The following NRXN3 variants were observed in gnomAD, a reference collection of about 807,000 sequenced individuals.
The protein encoded by NRXN3 is neurexin III.
NRXN3 carries 32 observed loss-of-function variants against 137.6 expected under a neutral mutation model. The ratio of observed to expected loss-of-function variants is 0.23; its 90% CI spans 0.18 to 0.31. The LOEUF is 0.31. NRXN3 is among the 10% of genes least tolerant of loss of function. The pLI is 1.00. For synonymous variants in NRXN3, 798 were observed against 784.5 expected (o/e 1.02, Z -0.29); for missense variants, 1,574 against 2,062.5 (o/e 0.76, Z 4.59).
intron 4 of NRXN3, among the ~76,000 whole-genome samples, chr14:78,569,668 A>T (rs2096871399): frequency 6.6e-6 from 1 of 152,056 alleles, no homozygotes; most frequent in Admixed American, 6.6e-5. Flanking sequence ...GGTTCAAGCA[A>T]TTCTGCTTCA....
At chr14:78,351,545 T>G (rs1319177510) in intron 4 of NRXN3, among the ~76,000 whole-genome samples, 2 of 152,186 alleles carry the variant, frequency 1.3e-5, no homozygotes, top group Non-Finnish European at 2.9e-5. Context: ...TCTTTGCATT[T>G]CTTTGATTAC....
chr14:79,224,039 A>C (rs909950939), intron 15 of NRXN3, among the ~76,000 whole-genome samples: 2 of 152,186 alleles, frequency 1.3e-5, no homozygotes, highest in African/African-American at 4.8e-5. Context: ...TTCATCAGCA[A>C]TAGGGCAACT....
At chr14:78,373,018 C>T (rs7149532) in intron 4 of NRXN3, among the ~76,000 whole-genome samples, 149,181 of 152,338 alleles carry the variant, frequency 0.98, 73,093 homozygotes, top group Non-Finnish European at 1. Flanking sequence ...TGTCAAATAT[C>T]CATGGCATCA....
intron 10 of NRXN3, among the ~76,000 whole-genome samples, chr14:78,953,351 GT>G: frequency 6.6e-6 from 1 of 152,250 alleles, no homozygotes; most frequent in South Asian, 2.1e-4. Context: ...GTTCCATAGG[GT>G]TACTGTAGGA....
intron 8 of NRXN3, among the ~76,000 whole-genome samples, chr14:78,767,572 A>G (rs1050849500): frequency 9.2e-5 from 14 of 152,140 alleles, no homozygotes; most frequent in African/African-American, 3.4e-4. Flanking sequence ...GTGGGTTACT[A>G]ATTGTTACAG....
chr14:78,511,468 G>A (rs2096107426), intron 4 of NRXN3, among the ~76,000 whole-genome samples: 1 of 152,128 alleles, frequency 6.6e-6, no homozygotes, highest in South Asian at 2.1e-4. Flanking sequence ...AGCCCAGGTG[G>A]GAGTAAGGCT....
chr14:79,502,614 C>T (rs1248413269), intron 16 of NRXN3, among the ~76,000 whole-genome samples: 4 of 151,456 alleles, frequency 2.6e-5, no homozygotes, highest in Non-Finnish European at 5.9e-5. Flanking sequence ...ATGTTCTGTG[C>T]AGTTGGCCTG....
chr14:79,243,444 A>G (rs142886764), intron 15 of NRXN3, among the ~76,000 whole-genome samples: 259 of 152,250 alleles, frequency 1.7e-3, no homozygotes, highest in African/African-American at 5.9e-3. Flanking sequence ...AGCATTTACT[A>G]TGTGTTGAAC....
At chr14:78,659,354 A>C (rs1373900561) in intron 6 of NRXN3, among the ~76,000 whole-genome samples, 1 of 151,944 alleles carries the variant, frequency 6.6e-6, no homozygotes, top group Admixed American at 6.6e-5. Flanking sequence ...TAAATTATAG[A>C]GCTTTTTTAT....
At chr14:78,972,553 C>T (rs2099446285) in intron 14 of NRXN3, among the ~76,000 whole-genome samples, 1 of 152,278 alleles carries the variant, frequency 6.6e-6, no homozygotes, top group East Asian at 1.9e-4. Context: ...ACCGTGCACT[C>T]CCTGAGGTTG....
intron 15 of NRXN3, among the ~76,000 whole-genome samples, chr14:79,369,429 C>A (rs781556139): frequency 6.6e-6 from 1 of 152,078 alleles, no homozygotes; most frequent in Non-Finnish European, 1.5e-5. Context: ...TGGTGTATAA[C>A]AAATCTTTTA....
chr14:78,605,715 T>TA (rs11422829), intron 4 of NRXN3, among the ~76,000 whole-genome samples: 37,224 of 151,840 alleles, frequency 0.25, 4,950 homozygotes, highest in Middle Eastern at 0.36. Flanking sequence ...GGGATTTCTT[T>TA]AAAAAAAATA....
chr14:79,769,935 C>CA (rs2099071111), intron 19 of NRXN3, among the ~76,000 whole-genome samples: 1 of 151,918 alleles, frequency 6.6e-6, no homozygotes, highest in Non-Finnish European at 1.5e-5. Flanking sequence ...GAAGATCTAC[C>CA]AAGCAAATGG....
chr14:79,407,358 A>C (rs777770969), intron 15 of NRXN3, among the ~76,000 whole-genome samples: 6 of 152,164 alleles, frequency 3.9e-5, no homozygotes, highest in Non-Finnish European at 5.9e-5. Context: ...CTTATAAAAA[A>C]AGGGATTCCT....
At chr14:79,690,490 C>A (rs1013661945) in intron 17 of NRXN3, among the ~76,000 whole-genome samples, 3 of 151,992 alleles carry the variant, frequency 2.0e-5, no homozygotes, top group African/African-American at 7.2e-5. Context: ...GTTAATTGTT[C>A]CTATTGCATT....
intron 20 of NRXN3, chr14:79,853,733 T>C: frequency 9.0e-7 from 1 of 1,108,418 alleles, no homozygotes; most frequent in South Asian, 2.4e-5. Context: ...GTCATCCATC[T>C]CCCTAAATTA....
intron 15 of NRXN3, among the ~76,000 whole-genome samples, chr14:79,173,167 T>C (rs1274440635): frequency 6.6e-6 from 1 of 152,152 alleles, no homozygotes; most frequent in Non-Finnish European, 1.5e-5. Flanking sequence ...GGTTGAAACA[T>C]TGCTAACCAA....
At chr14:78,828,881 C>G (rs1419301241) in intron 10 of NRXN3, among the ~76,000 whole-genome samples, 1 of 152,084 alleles carries the variant, frequency 6.6e-6, no homozygotes, top group Admixed American at 6.6e-5. Flanking sequence ...TAAAATTAAA[C>G]AGAGTAAAGT....
intron 15 of NRXN3, among the ~76,000 whole-genome samples, chr14:79,345,870 C>G (rs1000354829): frequency 6.6e-6 from 1 of 152,148 alleles, no homozygotes; most frequent in Non-Finnish European, 1.5e-5. Context: ...ATCAGTTAAA[C>G]CTATTTTCTT....
Sources: gnomAD v4.1 joint callset for allele counts (sites outside exome capture counted in the v4.1 genomes callset) on GRCh38, gnomAD v4.1.1 for gene constraint, MANE v1.5 for transcripts, NCBI Gene and HGNC (gene_info 2026-07-23, HGNC 2026-07-21) for gene names.